Variants in PRKCA observed in about 807,000 individuals in gnomAD.
PRKCA encodes protein kinase C alpha, also known as protein kinase C alpha type.
Under a neutral mutation model 87.0 loss-of-function variants are expected in PRKCA, and 27 were observed. That is an observed-to-expected ratio of 0.31 (90% CI 0.23 to 0.43). The LOEUF (loss-of-function observed/expected upper bound fraction) is 0.43. Among genes scored for constraint, PRKCA ranks in the 20% least tolerant of loss-of-function variants. The pLI, the probability that PRKCA is intolerant of heterozygous loss-of-function variation, is 1.00. For missense variants in PRKCA, 518 were observed against 852.3 expected (o/e 0.61, Z 4.88); for synonymous variants, 329 against 311.1 (o/e 1.06, Z -0.61).
intron 3 of PRKCA, among the ~76,000 whole-genome samples, chr17:66,631,103 T>C (rs1407539721): frequency 1.3e-5 from 2 of 152,186 alleles, no homozygotes; most frequent in African/African-American, 4.8e-5. Context: ...ATGTCCTAGA[T>C]AGTGACTGCT....
At chr17:66,481,479 T>C (rs995704251) in intron 2 of PRKCA, among the ~76,000 whole-genome samples, 2 of 152,090 alleles carry the variant, frequency 1.3e-5, no homozygotes, top group African/African-American at 2.4e-5. Flanking sequence ...AGTGACACGA[T>C]TGAATACTTC....
chr17:66,783,559 G>T (rs540204399), intron 14 of PRKCA, among the ~76,000 whole-genome samples: 1 of 152,306 alleles, frequency 6.6e-6, no homozygotes, highest in East Asian at 1.9e-4. Context: ...GGCAAAGCTG[G>T]TTCCCATGCC....
chr17:66,722,737 C>G (rs1973645224), intron 8 of PRKCA, among the ~76,000 whole-genome samples: 1 of 152,172 alleles, frequency 6.6e-6, no homozygotes, highest in Non-Finnish European at 1.5e-5. Flanking sequence ...AAACTTGAAC[C>G]AAACGTGAAT....
chr17:66,617,145 A>T (rs1010184383), intron 3 of PRKCA, among the ~76,000 whole-genome samples: 1 of 150,106 alleles, frequency 6.7e-6, no homozygotes, highest in Non-Finnish European at 1.5e-5. Flanking sequence ...AGATCAAAGG[A>T]GGCACATGTT....
chr17:66,441,689 G>A (rs542023639), intron 2 of PRKCA, among the ~76,000 whole-genome samples: 12 of 152,204 alleles, frequency 7.9e-5, no homozygotes, highest in East Asian at 5.8e-4. Flanking sequence ...GCTGCTGTGC[G>A]GTTTTTTCAA....
intron 2 of PRKCA, among the ~76,000 whole-genome samples, chr17:66,441,881 A>G (rs1913783138): frequency 6.6e-6 from 1 of 152,098 alleles, no homozygotes; most frequent in Non-Finnish European, 1.5e-5. Context: ...GGTCCCAGAG[A>G]TGTTTATACC....
chr17:66,416,298 G>T (rs76224121), intron 2 of PRKCA: 1 of 152,396 alleles, frequency 6.6e-6, no homozygotes, highest in Non-Finnish European at 1.5e-5. Flanking sequence ...GAAAAGATGG[G>T]TGTGGGCCAT....
At chr17:66,768,099 G>A (rs758365344) in intron 13 of PRKCA, among the ~76,000 whole-genome samples, 7 of 151,880 alleles carry the variant, frequency 4.6e-5, no homozygotes, top group African/African-American at 7.3e-5. Flanking sequence ...GTGTGCCACC[G>A]GACCCAGCTA....
chr17:66,679,554 T>C (rs1280776300), intron 5 of PRKCA, among the ~76,000 whole-genome samples: 1 of 152,214 alleles, frequency 6.6e-6, no homozygotes, highest in African/African-American at 2.4e-5. Context: ...AGCACAGACA[T>C]AGCTGTGCAG....
chr17:66,566,479 G>GTTTTTTTTTTTTTTTTTTTTTTT (rs368602635), intron 3 of PRKCA, among the ~76,000 whole-genome samples: 2 of 74,702 alleles, frequency 2.7e-5, no homozygotes, highest in African/African-American at 4.7e-5. Context: ...GTTGTTTTTT[G>GTTTTTTTTTTTTTTTTTTTTTTT]GTTTTTTTTT....
At chr17:66,489,352 CAT>C (rs10529618) in intron 2 of PRKCA, among the ~76,000 whole-genome samples, 8,127 of 96,446 alleles carry the variant, frequency 0.084, 229 homozygotes, top group Non-Finnish European at 0.094. Context: ...CTTAGCAGTG[CAT>C]ATATATATAT....
intron 5 of PRKCA, among the ~76,000 whole-genome samples, chr17:66,670,306 A>C (rs1043140418): frequency 3.9e-5 from 6 of 152,246 alleles, no homozygotes; most frequent in Non-Finnish European, 7.3e-5. Context: ...TGTGGAAAAC[A>C]GCTATCAAAA....
At chr17:66,706,700 G>A (rs1022753995) in intron 8 of PRKCA, among the ~76,000 whole-genome samples, 4 of 151,788 alleles carry the variant, frequency 2.6e-5, no homozygotes, top group Admixed American at 2.0e-4. Context: ...GGATATTTGC[G>A]AGACATGAAA....
intron 3 of PRKCA, among the ~76,000 whole-genome samples, chr17:66,578,754 A>T (rs1388027759): frequency 1.3e-5 from 2 of 152,114 alleles, no homozygotes; most frequent in Non-Finnish European, 2.9e-5. Flanking sequence ...TGTCCTCTTC[A>T]TCCAGATCTG....
chr17:66,727,756 A>T (rs1398149389), intron 8 of PRKCA, among the ~76,000 whole-genome samples: 2 of 151,994 alleles, frequency 1.3e-5, no homozygotes, highest in African/African-American at 4.8e-5. Context: ...GGGATGGGGG[A>T]GAAACGGCAG....
At chr17:66,636,455 G>A (rs1170608072) in intron 3 of PRKCA, among the ~76,000 whole-genome samples, 1 of 152,170 alleles carries the variant, frequency 6.6e-6, no homozygotes, top group Non-Finnish European at 1.5e-5. Flanking sequence ...TGAAAGTCCA[G>A]GCATGGGGTG....
intron 2 of PRKCA, among the ~76,000 whole-genome samples, chr17:66,396,746 A>C (rs1910699609): frequency 6.6e-6 from 1 of 150,660 alleles, no homozygotes; most frequent in Admixed American, 6.7e-5. Context: ...CTCCTGCCTC[A>C]GCCTCCAAAG....
chr17:66,770,838 G>A (rs2144327814), intron 13 of PRKCA, among the ~76,000 whole-genome samples: 1 of 152,292 alleles, frequency 6.6e-6, no homozygotes, highest in Middle Eastern at 3.4e-3. Flanking sequence ...AAGGCGATGA[G>A]TTTGAGGAGT....
chr17:66,346,977 G>C (rs1471326154), intron 2 of PRKCA, among the ~76,000 whole-genome samples: 2 of 151,200 alleles, frequency 1.3e-5, no homozygotes, highest in African/African-American at 4.9e-5. Context: ...GTTGCAGGGA[G>C]CCAAGATCAT....
Sources: gnomAD v4.1 joint callset for allele counts (sites outside exome capture counted in the v4.1 genomes callset) on GRCh38, gnomAD v4.1.1 for gene constraint, MANE v1.5 for transcripts, NCBI Gene and HGNC (gene_info 2026-07-23, HGNC 2026-07-21) for gene names.